RAB22A: variants seen among roughly 807,000 people sequenced by gnomAD.
RAB22A encodes the protein RAB22A, member RAS oncogene family, also known as ras-related protein Rab-22A.
Under a neutral mutation model 30.2 loss-of-function variants are expected in RAB22A, and 13 were observed. That is an observed-to-expected ratio of 0.43 (90% CI 0.28 to 0.68). RAB22A has a LOEUF of 0.68. Among genes scored for constraint, RAB22A ranks in the 30% least tolerant of loss-of-function variants. The probability of loss-of-function intolerance (pLI) is 0.18; values close to 1 mark genes in which losing one functional copy is unlikely to be tolerated. For missense variants in RAB22A, 177 were observed against 246.8 expected, an observed-to-expected ratio of 0.72 and a Z score of 1.89; for synonymous variants, 89 against 87.2, an observed-to-expected ratio of 1.02 and a Z score of -0.11.
At chr20:58,343,310 G>A (rs1407187840) in intron 2 of RAB22A, among the ~76,000 whole-genome samples, 2 of 151,464 alleles carry the variant, frequency 1.3e-5, no homozygotes, top group Non-Finnish European at 3.0e-5. Context: ...GGGAATTGGG[G>A]GAGGACAAAG....
rs1429666968 is a variant in RAB22A at position 58,324,837 on chromosome 20, A to G, written c.116+13715A>G. Among the ~76,000 whole-genome samples, 4 of 134,750 alleles carry G rather than the reference A, an allele frequency of 3.0e-5. 1 individual carries two copies. The highest frequency in any genetic ancestry group is 6.2e-5 in the Non-Finnish European group (4 of 64,126). 88.4% of individuals were successfully genotyped at this position (134,750 alleles called of 152,430 possible). On this transcript the variant is annotated intron_variant, in intron 2 of 6. Transcript: ENST00000244040. ...AGCCGAGATCGCACCACTGCTCTCC[A>G]GCCTGGTGACAGAGCGAGACTCCGT...
At chr20:58,340,683 A>G (rs1336018241) in intron 2 of RAB22A, among the ~76,000 whole-genome samples, 1 of 152,222 alleles carries the variant, frequency 6.6e-6, no homozygotes, top group Non-Finnish European at 1.5e-5. Flanking sequence ...TGGGTAAGTC[A>G]GACATTGAAC....
chr20:58,310,427 C>T (rs1174939870), intron 1 of RAB22A, among the ~76,000 whole-genome samples: 4 of 152,204 alleles, frequency 2.6e-5, no homozygotes, highest in Non-Finnish European at 5.9e-5. Flanking sequence ...TACTTTGTCT[C>T]TTGGGTGTTT....
At chr20:58,351,590 G>A (rs1276777072) in intron 3 of RAB22A, among the ~76,000 whole-genome samples, 1 of 152,202 alleles carries the variant, frequency 6.6e-6, no homozygotes, top group Non-Finnish European at 1.5e-5. Context: ...GAGGCAGGTG[G>A]ATCACCTGAA....
At chr20:58,348,157 G>A (rs564075243) in intron 3 of RAB22A, among the ~76,000 whole-genome samples, 2 of 152,244 alleles carry the variant, frequency 1.3e-5, no homozygotes, top group Non-Finnish European at 2.9e-5. Flanking sequence ...ATCCCGGGAG[G>A]TGGAGGTTGC....
chr20:58,320,360 GT>G (rs894829694), intron 2 of RAB22A, among the ~76,000 whole-genome samples: 2 of 151,870 alleles, frequency 1.3e-5, no homozygotes, highest in African/African-American at 4.8e-5. Context: ...TCGTATCTCT[GT>G]TTTTTTTAAT....
At chr20:58,356,983 G>C (rs1987140418) in intron 6 of RAB22A, among the ~76,000 whole-genome samples, 1 of 152,198 alleles carries the variant, frequency 6.6e-6, no homozygotes, top group South Asian at 2.1e-4. Context: ...TAAACATTCT[G>C]ATCGTATTCT....
At chr20:58,315,484 A>G (rs1261592070) in intron 2 of RAB22A, among the ~76,000 whole-genome samples, 1 of 152,056 alleles carries the variant, frequency 6.6e-6, no homozygotes, top group Non-Finnish European at 1.5e-5. Context: ...CATGCTCCCT[A>G]GACTTAGGGC....
At position 58,361,942 on chromosome 20, in the gene RAB22A, C is replaced by G. The variant is rs533184021; in HGVS notation, c.*2239C>G. On this transcript the variant is annotated 3_prime_UTR_variant, in exon 7 of 7. Transcript: ENST00000244040. ...ATCTTACTGTGATGTTTTACTGTAC[C>G]GAGCCCAATGTGGGTCCATCTCATC... is the stretch of plus-strand genomic sequence containing the variant. 6.6e-6 allele frequency: 1 copy of G among 151,964 alleles called. No individual in the cohort carries two copies. The highest frequency in any genetic ancestry group is 1.5e-5 in the Non-Finnish European group (1 of 68,004). 9.4% of individuals were successfully genotyped at this position (151,964 alleles called of 1,614,324 possible). A position where few individuals can be genotyped will look rare whatever the true frequency, so the allele number is the denominator to read the frequency against.
rs987790451 is a variant in RAB22A, at chr20:58,361,245, G to A, written c.*1542G>A. On this transcript the variant is annotated 3_prime_UTR_variant, in exon 7 of 7. Transcript: ENST00000244040. ...AACAGCTTGAATTTCAAACTAAATTGTATTTTCAGAGCTATCCTGAAACTG... is the reference window on the plus strand; with the variant it reads ...AACAGCTTGAATTTCAAACTAAATTATATTTTCAGAGCTATCCTGAAACTG... 4 of 152,590 alleles carry A rather than the reference G, an allele frequency of 2.6e-5. No individual in the cohort carries two copies. Among genetic ancestry groups the A allele is most frequent in the African/African-American group, 9.7e-5 (4 of 41,442 alleles). 9.5% of individuals were successfully genotyped at this position (152,590 alleles called of 1,614,324 possible).
intron 2 of RAB22A, among the ~76,000 whole-genome samples, chr20:58,343,374 T>A (rs1363267494): frequency 1.3e-5 from 2 of 152,192 alleles, no homozygotes; most frequent in Non-Finnish European, 2.9e-5. Flanking sequence ...TGGACATAGT[T>A]TTTTAGGAAT....
At chr20:58,349,529 C>G (rs1250100497) in intron 3 of RAB22A, among the ~76,000 whole-genome samples, 3 of 152,160 alleles carry the variant, frequency 2.0e-5, no homozygotes, top group African/African-American at 7.2e-5. Context: ...GCAACAGAAA[C>G]CAGTAGCTGG....
In RAB22A at chr20:58,325,033, G is replaced by T. The variant is rs2122936060; in HGVS notation, c.116+13911G>T. 1.4e-5 allele frequency among the ~76,000 whole-genome samples: 2 copies of T among 142,938 alleles called. 1 individual carries two copies. Among genetic ancestry groups the T allele is most frequent in the Middle Eastern group, 8.5e-3 (2 of 234 alleles). 93.8% of individuals were successfully genotyped at this position (142,938 alleles called of 152,430 possible). On this transcript the variant is annotated intron_variant, in intron 2 of 6. Coordinates refer to ENST00000244040, the MANE Select transcript of RAB22A (RefSeq NM_020673.3). ...CTACTAAAAATACAAAAATTAGCTG[G>T]GTGTGGTGGTGCGTGCGCCTGTAGT...
intron 6 of RAB22A, among the ~76,000 whole-genome samples, chr20:58,359,242 C>A (rs1987183696): frequency 6.6e-6 from 1 of 152,010 alleles, no homozygotes; most frequent in South Asian, 2.1e-4. Context: ...AATTAAAAAA[C>A]GTTTACTAAG....
At chr20:58,317,043 T>C (rs2122925499) in intron 2 of RAB22A, among the ~76,000 whole-genome samples, 1 of 152,312 alleles carries the variant, frequency 6.6e-6, no homozygotes, top group Admixed American at 6.5e-5. Context: ...CTCTAGACTT[T>C]GATTAGATCA....
At chr20:58,334,801 A>T (rs1488536488) in intron 2 of RAB22A, among the ~76,000 whole-genome samples, 4 of 151,112 alleles carry the variant, frequency 2.6e-5, no homozygotes, top group African/African-American at 9.8e-5. Context: ...AAAATGTATG[A>T]GTAGACATCC....
intron 2 of RAB22A, among the ~76,000 whole-genome samples, chr20:58,326,397 A>G (rs1158491744): frequency 2.0e-5 from 3 of 152,182 alleles, no homozygotes; most frequent in Non-Finnish European, 4.4e-5. Context: ...ATGCAATAAC[A>G]CAGTATATAA....
chr20:58,327,222 G>A (rs1253072262), intron 2 of RAB22A, among the ~76,000 whole-genome samples: 1 of 152,154 alleles, frequency 6.6e-6, no homozygotes, highest in Admixed American at 6.5e-5. Flanking sequence ...TTAATATGGT[G>A]GGTTACAGTA....
At chr20:58,330,006 T>C (rs1407277276) in intron 2 of RAB22A, among the ~76,000 whole-genome samples, 2 of 152,206 alleles carry the variant, frequency 1.3e-5, no homozygotes, top group African/African-American at 2.4e-5. Flanking sequence ...GACTTTTTTT[T>C]CTTGTCATTA....
Sources: allele counts gnomAD v4.1 joint callset (sites outside exome capture counted in the v4.1 genomes callset), GRCh38; gene constraint gnomAD v4.1.1; transcripts MANE v1.5; gene names NCBI Gene and HGNC (gene_info 2026-07-23, HGNC 2026-07-21).